Variants in TCERG1 observed in about 807,000 individuals in gnomAD.
TCERG1 encodes transcription elongation regulator 1, also known as TATA box binding protein (TBP)-associated factor, RNA polymerase II, S, 150kD.
TCERG1 carries 37 observed loss-of-function variants against 144.7 expected under a neutral mutation model. The observed-to-expected ratio is 0.26, with a 90% CI of 0.20 to 0.34. The LOEUF is 0.34. Ranked by LOEUF, TCERG1 falls within the 10% of genes least tolerant of loss-of-function variation. The probability of loss-of-function intolerance (pLI) is 1.00; values close to 1 mark genes in which losing one functional copy is unlikely to be tolerated. For synonymous variants in TCERG1, 492 were observed against 458.2 expected (o/e 1.07, Z -0.94); for missense variants, 1,027 against 1,380.7 (o/e 0.74, Z 4.06).
chr5:146,454,111 G>A (rs994466099), intron 1 of TCERG1, among the ~76,000 whole-genome samples: 31 of 150,724 alleles, frequency 2.1e-4, no homozygotes, highest in Admixed American at 2.0e-4. Flanking sequence ...CTTGGGAGAA[G>A]AATCGCCTGA....
intron 5 of TCERG1, 141 bp downstream of exon 5, chr5:146,463,934 A>G: frequency 8.4e-7 from 1 of 1,196,948 alleles, no homozygotes; most frequent in South Asian, 1.5e-5. Flanking sequence ...GGCTAACTGC[A>G]ATATTTTCTC....
At chr5:146,497,287 C>T (rs985598595) in intron 16 of TCERG1, among the ~76,000 whole-genome samples, 1 of 152,198 alleles carries the variant, frequency 6.6e-6, no homozygotes, top group Non-Finnish European at 1.5e-5. Context: ...TATTTTGCCT[C>T]AGCTTCTCAA....
chr5:146,447,848 C>T (rs1331479730), intron 1 of TCERG1, among the ~76,000 whole-genome samples: 1 of 152,262 alleles, frequency 6.6e-6, no homozygotes, highest in East Asian at 1.9e-4. Context: ...TCTGGCTAAG[C>T]CTTCTCCACG....
intron 10 of TCERG1, 123 bp downstream of exon 10, chr5:146,478,776 A>T (rs1194378621): frequency 3.3e-6 from 3 of 908,280 alleles, no homozygotes; most frequent in Non-Finnish European, 4.8e-6. Context: ...TTCGAAAAAA[A>T]TAGACTGCTA....
intron 3 of TCERG1, 43 bp downstream of exon 3, chr5:146,457,378 G>T: frequency 6.5e-7 from 1 of 1,535,788 alleles, no homozygotes; most frequent in Non-Finnish European, 8.8e-7. Flanking sequence ...GTTGACAGAG[G>T]AGTAAAACTT....
At chr5:146,485,557 T>C (rs1765745070) in intron 15 of TCERG1, among the ~76,000 whole-genome samples, 1 of 152,214 alleles carries the variant, frequency 6.6e-6, no homozygotes, top group Non-Finnish European at 1.5e-5. Flanking sequence ...TTCCCAATTT[T>C]TGAAGCATTC....
intron 17 of TCERG1, among the ~76,000 whole-genome samples, chr5:146,500,669 A>G (rs758425328): frequency 1.3e-5 from 2 of 152,184 alleles, no homozygotes; most frequent in Non-Finnish European, 2.9e-5. Context: ...CAGTAAGAGC[A>G]TCATTTTCAT....
At position 146,509,228 on chromosome 5, in the gene TCERG1, C is replaced by A; in HGVS notation, c.3129C>A (p.Thr1043=). The A allele has an allele frequency of 6.2e-7, 1 of 1,606,708 alleles. No individual in the cohort carries two copies. The highest frequency in any genetic ancestry group is 8.5e-7 in the Non-Finnish European group (1 of 1,175,756). Residue 1043 remains threonine, a synonymous_variant, in exon 22 of 23, where the codon ACC becomes ACA. Coordinates refer to ENST00000679501, the MANE Select transcript of TCERG1 (RefSeq NM_001382548.1). ...ACTTCAGGACGCTTTTGAAAGAGAC[C>A]AAATTTATAACATATAGGTGTGTGC... The part of the protein sequence containing the change: ...KADFRTLLKE[T]KFITYRSKKL...
intron 15 of TCERG1, among the ~76,000 whole-genome samples, chr5:146,486,662 A>C (rs1026469977): frequency 6.6e-6 from 1 of 152,246 alleles, no homozygotes; most frequent in Admixed American, 6.5e-5. Context: ...GCAATTAGGC[A>C]AGAGAAAGAA....
chr5:146,499,441 C>T (rs935290827), intron 17 of TCERG1: 2 of 152,156 alleles, frequency 1.3e-5, no homozygotes, highest in African/African-American at 4.8e-5. Context: ...CTCTTTCATT[C>T]AAAATAGTAA....
At chr5:146,484,717 T>C (rs1413527104) in intron 15 of TCERG1, among the ~76,000 whole-genome samples, 1 of 152,186 alleles carries the variant, frequency 6.6e-6, no homozygotes, top group African/African-American at 2.4e-5. Flanking sequence ...TCTATCAAAA[T>C]TTATAAATTA....
chr5:146,480,856 AAG>A (rs1225833871), intron 12 of TCERG1, among the ~76,000 whole-genome samples: 2 of 152,132 alleles, frequency 1.3e-5, no homozygotes, highest in East Asian at 3.9e-4. Flanking sequence ...AAAGATATGA[AAG>A]AATCACTCAT....
rs1027508794 is a variant in TCERG1 at position 146,511,753 on chromosome 5, G to C, written c.*1111G>C. ...ATTGCCTCATAGCAAGAAGATGCTG[G>C]GGTTTTTTTTGTTTTTGTCCTTTGT... On this transcript the variant is annotated 3_prime_UTR_variant, in exon 23 of 23. Transcript: ENST00000679501. 7 of 152,110 alleles carry C rather than the reference G, an allele frequency of 4.6e-5. No individual in the cohort carries two copies. The highest frequency in any genetic ancestry group is 1.7e-4 in the African/African-American group (7 of 41,406). The allele number at this position is 152,110 out of a possible 1,614,324, so 9.4% of individuals were successfully genotyped here.
intron 7 of TCERG1, 55 bp from the exon 8 acceptor site, chr5:146,470,581 T>G: frequency 1.4e-6 from 2 of 1,448,898 alleles, no homozygotes; most frequent in Non-Finnish European, 1.9e-6. Flanking sequence ...CTCTGAAAGT[T>G]CTTAGAAAAT....
At chr5:146,465,887 G>T (rs1353294896) in intron 5 of TCERG1, among the ~76,000 whole-genome samples, 2 of 151,936 alleles carry the variant, frequency 1.3e-5, no homozygotes, top group Non-Finnish European at 2.9e-5. Context: ...AATTAGCCGG[G>T]CGTGGTGGTG....
rs1422642203 is a variant in TCERG1 at position 146,507,388 on chromosome 5, C to A, written c.2961+181C>A. Reference sequence around the variant, plus strand: ...TCTTATTTATTTAGAAATGCCTATTCTTTGCAGTTTTCACATTCATAACTG... The same window carrying A: ...TCTTATTTATTTAGAAATGCCTATTATTTGCAGTTTTCACATTCATAACTG... On this transcript the variant is annotated intron_variant, in intron 20 of 22. Transcript: ENST00000679501. The surrounding 1 kb of genome is among the most constrained non-coding windows in gnomAD (Gnocchi z 4.6). 5.2e-6 allele frequency: 3 copies of A among 581,970 alleles called. No homozygotes were observed. Among genetic ancestry groups the A allele is most frequent in the Non-Finnish European group, 8.3e-6 (3 of 361,352 alleles). The allele number at this position is 581,970 out of a possible 1,614,324, so 36.1% of individuals were successfully genotyped here. A position where few individuals can be genotyped will look rare whatever the true frequency, so the allele number is the denominator to read the frequency against.
chr5:146,449,017 C>G (rs1021992611), intron 1 of TCERG1, among the ~76,000 whole-genome samples: 3 of 152,154 alleles, frequency 2.0e-5, no homozygotes, highest in Non-Finnish European at 2.9e-5. Flanking sequence ...TGCCCTGTTG[C>G]AAATATTTTA....
At chr5:146,481,060 T>C in intron 12 of TCERG1, 90 bp from the exon 13 acceptor site, 1 of 411,508 alleles carries the variant, frequency 2.4e-6, no homozygotes, top group Non-Finnish European at 3.3e-6. Flanking sequence ...ACCATAATTT[T>C]GGATGTTCCT....
Position 146,447,367 on chromosome 5 carries a change from G to A in TCERG1, c.18G>A (p.Gly6=), listed in dbSNP as rs772887166. 3 of 1,611,772 alleles carry A rather than the reference G, an allele frequency of 1.9e-6. No individual in the cohort carries two copies. The South Asian group carries it at 3.3e-5, about 18-fold the overall frequency. The change falls in exon 1 of 23, where the codon GGG becomes GGA. Residue 6 remains glycine (G), a synonymous_variant. Transcript: ENST00000679501. MAERG[G]DGGESERFNP... ...CCTCTGTAATGGCGGAGCGTGGCGG[G>A]GACGGGGGCGAGAGTGAACGATTCA...
Sources: allele counts gnomAD v4.1 joint callset (sites outside exome capture counted in the v4.1 genomes callset), GRCh38; gene constraint gnomAD v4.1.1; non-coding constraint Gnocchi (gnomAD v3.1); transcripts MANE v1.5; gene names NCBI Gene and HGNC (gene_info 2026-07-23, HGNC 2026-07-21).